PPP4R1: variants seen among roughly 807,000 people sequenced by gnomAD.
The protein encoded by PPP4R1 is protein phosphatase 4 regulatory subunit 1, also known as serine/threonine-protein phosphatase 4 regulatory subunit 1.
In PPP4R1, 42 loss-of-function variants were observed where a neutral mutation model predicts 111.2. That is an observed-to-expected ratio of 0.38 (90% CI 0.29 to 0.49). The LOEUF (loss-of-function observed/expected upper bound fraction) is 0.49, where lower values mean the gene tolerates loss of function less well. PPP4R1 is among the 20% of genes least tolerant of loss of function. PPP4R1 has a pLI of 0.97. For missense variants in PPP4R1, 1,012 were observed against 1,161.6 expected (o/e 0.87, Z 1.87); for synonymous variants, 409 against 405.5 (o/e 1.01, Z -0.10).
chr18:9,571,264 T>C (rs998301215), intron 10 of PPP4R1, among the ~76,000 whole-genome samples: 1 of 152,226 alleles, frequency 6.6e-6, no homozygotes, highest in Non-Finnish European at 1.5e-5. Context: ...TTCTAAAATA[T>C]TCATCTCTAC....
At chr18:9,565,327 C>G (rs1024267538) in intron 11 of PPP4R1, among the ~76,000 whole-genome samples, 1 of 152,124 alleles carries the variant, frequency 6.6e-6, no homozygotes, top group Non-Finnish European at 1.5e-5. Context: ...CTCCCTATTC[C>G]CTGAGACTCA....
At chr18:9,588,414 T>G (rs937309796) in intron 5 of PPP4R1, among the ~76,000 whole-genome samples, 179 bp from the exon 6 acceptor site, 1 of 152,218 alleles carries the variant, frequency 6.6e-6, no homozygotes. Context: ...CTTCGTAGAT[T>G]GTGCTGTAAC....
At chr18:9,562,804 TA>T in intron 12 of PPP4R1, 2 of 922,294 alleles carry the variant, frequency 2.2e-6, no homozygotes, top group Non-Finnish European at 2.6e-6. Flanking sequence ...AAACAATGGC[TA>T]AGCAGCACTG....
At chr18:9,554,445 C>T (rs2066538496) in intron 15 of PPP4R1, among the ~76,000 whole-genome samples, 1 of 151,634 alleles carries the variant, frequency 6.6e-6, no homozygotes, top group African/African-American at 2.4e-5. Flanking sequence ...AAATATTACA[C>T]ATTAATGTTA....
chr18:9,547,574 C>A lies in PPP4R1; in HGVS notation c.*215G>T, dbSNP rs1236446586. On this transcript the variant is annotated 3_prime_UTR_variant, in exon 20 of 20. Coordinates refer to ENST00000400556, the MANE Select transcript of PPP4R1 (RefSeq NM_001042388.3). ...TTATAATCCTCTGAGAAATTATTTC[C>A]CCTTAAAGTCAAGATAAGATAATAG... is the stretch of plus-strand genomic sequence containing the variant. 2.2e-6 allele frequency: 1 copy of A among 463,018 alleles called. No individual in the cohort carries two copies. The highest frequency in any genetic ancestry group is 3.9e-6 in the Non-Finnish European group (1 of 259,202). 28.7% of individuals were successfully genotyped at this position (463,018 alleles called of 1,614,324 possible).
intron 13 of PPP4R1, among the ~76,000 whole-genome samples, chr18:9,560,417 AT>A (rs2066653916): frequency 2.2e-3 from 1 of 464 alleles, no homozygotes; most frequent in Admixed American, 0.024. Flanking sequence ...TTAGGTGTGT[AT>A]AAATATAGCT....
At chr18:9,583,667 T>C (rs1421630154) in intron 8 of PPP4R1, among the ~76,000 whole-genome samples, 1 of 152,190 alleles carries the variant, frequency 6.6e-6, no homozygotes, top group Non-Finnish European at 1.5e-5. Flanking sequence ...ACGCCCAGCC[T>C]CAGTGTTTTA....
chr18:9,583,268 C>T lies in PPP4R1; in HGVS notation c.767G>A (p.Arg256Lys). Residue 256 changes from arginine to lysine, a missense_variant, in exon 9 of 20, where the codon AGA (arginine) becomes AAA (lysine). Physicochemically the swap from Arg to Lys is conservative, Grantham distance 26. Transcript: ENST00000400556. ...QQATEEMLLPRFFQLCSDNVW... is the reference protein window; with the variant it reads ...QQATEEMLLPKFFQLCSDNVW... ...ATTATCAGAACAAAGCTGGAAAAAT[C>T]TGGGCAGCTATGTGAAAAGGAAAGA... 1 of 1,567,856 alleles carries T rather than the reference C, an allele frequency of 6.4e-7. No individual in the cohort carries two copies. The highest frequency in any genetic ancestry group is 1.2e-5 in the South Asian group (1 of 85,236).
chr18:9,607,966 T>C (rs1443168416), intron 2 of PPP4R1, among the ~76,000 whole-genome samples: 1 of 151,968 alleles, frequency 6.6e-6, no homozygotes, highest in Non-Finnish European at 1.5e-5. Flanking sequence ...GTATTTTTAA[T>C]AGAGACGGGG....
At chr18:9,561,289 A>T in intron 13 of PPP4R1, among the ~76,000 whole-genome samples, 1 of 151,304 alleles carries the variant, frequency 6.6e-6, no homozygotes, top group South Asian at 2.1e-4. Context: ...CAACACGTAC[A>T]GACAGTCATG....
chr18:9,571,476 G>A (rs1219532492), intron 10 of PPP4R1, among the ~76,000 whole-genome samples: 1 of 152,202 alleles, frequency 6.6e-6, no homozygotes, highest in Non-Finnish European at 1.5e-5. Flanking sequence ...GGATTCAAAT[G>A]TGAATGAGAT....
intron 15 of PPP4R1, among the ~76,000 whole-genome samples, chr18:9,555,097 G>A (rs992895776): frequency 2.5e-4 from 38 of 152,262 alleles, no homozygotes; most frequent in Non-Finnish European, 2.6e-4. Flanking sequence ...GAGCCCAGGA[G>A]TTCAAGACCA....
chr18:9,561,295 T>A (rs1357360940), intron 13 of PPP4R1, among the ~76,000 whole-genome samples: 1 of 151,266 alleles, frequency 6.6e-6, no homozygotes, highest in East Asian at 1.9e-4. Context: ...GTACAGACAG[T>A]CATGGTGAAT....
At chr18:9,548,731 A>G (rs1052886814) in intron 19 of PPP4R1, among the ~76,000 whole-genome samples, 4 of 152,186 alleles carry the variant, frequency 2.6e-5, no homozygotes, top group African/African-American at 9.7e-5. Flanking sequence ...GGCCTGGCCA[A>G]CATGGTGAAA....
intron 15 of PPP4R1, among the ~76,000 whole-genome samples, chr18:9,554,371 C>T (rs552051818): frequency 5.3e-5 from 8 of 152,062 alleles, no homozygotes; most frequent in East Asian, 1.9e-4. Context: ...TCAGGTGATC[C>T]GCTCGCCTTG....
intron 5 of PPP4R1, 98 bp from the exon 6 acceptor site, chr18:9,588,333 C>T: frequency 7.7e-7 from 1 of 1,302,670 alleles, no homozygotes; most frequent in East Asian, 2.5e-5. Flanking sequence ...CTCAAAGGGA[C>T]CCATAACTGG....
intron 9 of PPP4R1, among the ~76,000 whole-genome samples, chr18:9,582,569 G>A (rs907006562): frequency 3.9e-5 from 6 of 152,074 alleles, no homozygotes; most frequent in African/African-American, 7.2e-5. Context: ...AGGCCCAGAC[G>A]GCTTCACCAC....
intron 18 of PPP4R1, 135 bp from the exon 19 acceptor site, chr18:9,549,473 G>C (rs2066453783): frequency 1.8e-6 from 2 of 1,092,608 alleles, no homozygotes; most frequent in East Asian, 5.0e-5. Context: ...CCACGTACTT[G>C]GGAACTCAAA....
intron 15 of PPP4R1, among the ~76,000 whole-genome samples, chr18:9,555,882 A>G (rs752537966): frequency 3.6e-4 from 55 of 152,214 alleles, no homozygotes; most frequent in Middle Eastern, 3.4e-3. Flanking sequence ...CACGCCTGTA[A>G]TCCCAGCACT....
Sources: gnomAD v4.1 joint callset for allele counts (sites outside exome capture counted in the v4.1 genomes callset) on GRCh38, gnomAD v4.1.1 for gene constraint, MANE v1.5 for transcripts, NCBI Gene and HGNC (gene_info 2026-07-23, HGNC 2026-07-21) for gene names.